The following HERC6 variants were observed in gnomAD, a reference collection of about 807,000 sequenced individuals.
The protein encoded by HERC6 is probable E3 ubiquitin-protein ligase HERC6.
A neutral mutation model predicts 114.5 loss-of-function variants in HERC6; 101 were observed. That is an observed-to-expected ratio of 0.88 (90% CI 0.75 to 1.04). HERC6 has a LOEUF of 1.04. Among genes scored for constraint, HERC6 ranks in the 50% least tolerant of loss-of-function variants. The pLI is 0.00. For missense variants in HERC6, 1,133 were observed against 1,230.9 expected (o/e 0.92, Z 1.19); for synonymous variants, 408 against 436.2 (o/e 0.94, Z 0.81).
At chr4:88,422,028 G>A (rs2148943696) in intron 13 of HERC6, among the ~76,000 whole-genome samples, 1 of 152,210 alleles carries the variant, frequency 6.6e-6, no homozygotes, top group South Asian at 2.1e-4. Flanking sequence ...TATACGATTT[G>A]CTAGTATTTT....
chr4:88,431,764 GAC>G (rs1304897960), intron 17 of HERC6, among the ~76,000 whole-genome samples: 1 of 152,166 alleles, frequency 6.6e-6, no homozygotes, highest in African/African-American at 2.4e-5. Flanking sequence ...TTTTAGTAGA[GAC>G]GGCATTTTGC....
chr4:88,408,900 G>A (rs959076738), intron 11 of HERC6, among the ~76,000 whole-genome samples: 2 of 152,136 alleles, frequency 1.3e-5, no homozygotes, highest in African/African-American at 2.4e-5. Context: ...AGTTTGGTGG[G>A]CAGGGGGCTA....
chr4:88,398,170 T>A lies in HERC6; in HGVS notation c.1053T>A (p.Ile351=), dbSNP rs1450037236. The change falls in exon 8 of 23, where the codon ATT becomes ATA. Residue 351 remains isoleucine, a synonymous_variant. Transcript: ENST00000264346. Reference sequence around the variant, plus strand: ...TCGTGGATGTTCAAGTCAAACACATTTTTGCTGGAACATATGCCAACTTTG... The same window carrying A: ...TCGTGGATGTTCAAGTCAAACACATATTTGCTGGAACATATGCCAACTTTG... ...EDFVDVQVKH[I]FAGTYANFVT... 1 of 1,599,036 alleles carries A rather than the reference T, an allele frequency of 6.3e-7. No homozygotes were observed. The highest frequency in any genetic ancestry group is 1.7e-5 in the Admixed American group (1 of 57,608).
Position 88,416,015 on chromosome 4 carries a change from G to A in HERC6, c.1559-1410G>A, listed in dbSNP as rs1361022024. On this transcript the variant is annotated intron_variant, in intron 12 of 22. Transcript: ENST00000264346. ...GATGAAGAAACTGCATTCCTGCACT[G>A]AGTCAGTTCCTTGGTGAGGGTCTTC... Among the ~76,000 whole-genome samples, 6 of 152,254 alleles carry A rather than the reference G, an allele frequency of 3.9e-5. No homozygotes were observed. In the East Asian group the frequency reaches 1.2e-3, roughly 29 times the overall value.
chr4:88,389,708 C>A (rs1192403634), intron 3 of HERC6, among the ~76,000 whole-genome samples: 1 of 77,088 alleles, frequency 1.3e-5, no homozygotes, highest in African/African-American at 5.5e-5. Flanking sequence ...ACTTTAATCT[C>A]ATTTTTTTCT....
chr4:88,408,901 C>G (rs990569633), intron 11 of HERC6, among the ~76,000 whole-genome samples: 2 of 151,910 alleles, frequency 1.3e-5, no homozygotes, highest in African/African-American at 2.4e-5. Context: ...GTTTGGTGGG[C>G]AGGGGGCTAG....
chr4:88,383,500 T>G (rs1734422921), intron 2 of HERC6, 120 bp downstream of exon 2: 2 of 746,474 alleles, frequency 2.7e-6, no homozygotes, highest in South Asian at 6.7e-5. Flanking sequence ...GGTTCATGTC[T>G]GTAATCCCAA....
intron 22 of HERC6, among the ~76,000 whole-genome samples, chr4:88,441,916 C>T: frequency 6.6e-6 from 1 of 152,184 alleles, no homozygotes; most frequent in East Asian, 1.9e-4. Context: ...TGTGAAGTCT[C>T]TCTGACCACT....
At chr4:88,409,414 T>C (rs779680353) in intron 11 of HERC6, among the ~76,000 whole-genome samples, 3 of 152,182 alleles carry the variant, frequency 2.0e-5, no homozygotes, top group Non-Finnish European at 2.9e-5. Flanking sequence ...GGTTTTATGA[T>C]TGGGGCCGAA....
In HERC6 at chr4:88,428,668, G is replaced by C. The variant is rs1578419844; in HGVS notation, c.2024G>C (p.Arg675Thr). The part of the protein sequence containing the change: ...EFPPSPRFIL[R>T]VRRSRLVKDA... ...CCTCCATCACCCAGATTTATACTTA[G>C]AGTCAGACGAAGTCGCCTGGTTAAA... Residue 675 changes from arginine (R) to threonine (T), a missense_variant, in exon 16 of 23, where the codon AGA (arginine) becomes ACA (threonine). Around this residue, in one of 3 missense-constraint regions of HERC6, gnomAD observed 388 missense variants for 445.9 expected, o/e 0.87. Coordinates refer to ENST00000264346, the MANE Select transcript of HERC6 (RefSeq NM_017912.4). 5.0e-6 allele frequency: 8 copies of C among 1,605,942 alleles called. No homozygotes were observed. The highest frequency in any genetic ancestry group is 6.8e-6 in the Non-Finnish European group (8 of 1,176,324).
At chr4:88,435,499 C>T (rs1738641785) in intron 17 of HERC6, among the ~76,000 whole-genome samples, 1 of 152,006 alleles carries the variant, frequency 6.6e-6, no homozygotes, top group South Asian at 2.1e-4. Context: ...AAAATGAATT[C>T]ATTTATTTAA....
At chr4:88,408,728 T>G (rs952561621) in intron 11 of HERC6, 111 bp downstream of exon 11, 2 of 741,940 alleles carry the variant, frequency 2.7e-6, no homozygotes, top group Non-Finnish European at 2.3e-6. Context: ...GAGTTCTTCC[T>G]GCCCACTGCA....
rs368448597 is a variant in HERC6, at chr4:88,424,657, A to T, written c.1890A>T (p.Leu630=). The T allele has an allele frequency of 1.1e-5, 17 of 1,612,126 alleles. No homozygotes were observed. Among genetic ancestry groups the T allele is most frequent in the Non-Finnish European group, 1.2e-5 (14 of 1,178,882 alleles). Residue 630 remains leucine (L), a synonymous_variant, in exon 15 of 23, where the codon CTA becomes CTT. Coordinates refer to ENST00000264346, the MANE Select transcript of HERC6 (RefSeq NM_017912.4). ...ATTTTCCATTTATCTTTAATTCGCT[A>T]TCCAAAATTAAATTATTGCAAGCTG... ...FSDFPFIFNS[L]SKIKLLQADS... is the part of the protein sequence containing the mutation.
intron 2 of HERC6, among the ~76,000 whole-genome samples, chr4:88,384,795 G>A (rs1031595312): frequency 1.3e-5 from 2 of 152,048 alleles, no homozygotes; most frequent in Non-Finnish European, 2.9e-5. Flanking sequence ...CAAGGTGGGC[G>A]GATCACCTGA....
chr4:88,434,762 A>T (rs1738566651), intron 17 of HERC6, among the ~76,000 whole-genome samples: 1 of 143,598 alleles, frequency 7.0e-6, no homozygotes. Flanking sequence ...TAAAAAACAG[A>T]GACAAAAAAA....
intron 17 of HERC6, among the ~76,000 whole-genome samples, chr4:88,433,773 A>T (rs949016311): frequency 6.6e-6 from 1 of 152,208 alleles, no homozygotes; most frequent in East Asian, 1.9e-4. Context: ...GAACTAAGGC[A>T]TATTTATTAG....
intron 12 of HERC6, among the ~76,000 whole-genome samples, chr4:88,414,624 G>A (rs1736324030): frequency 1.3e-5 from 2 of 152,170 alleles, no homozygotes; most frequent in Non-Finnish European, 1.5e-5. Flanking sequence ...TGAAGAAGGG[G>A]TGGGTTATTC....
intron 1 of HERC6, 99 bp from the exon 2 acceptor site, chr4:88,383,122 G>T: frequency 6.9e-7 from 1 of 1,454,466 alleles, no homozygotes; most frequent in East Asian, 2.5e-5. Flanking sequence ...CAAGAAATCT[G>T]GATGATCCTT....
At chr4:88,379,893 A>AACATATAAAT (rs1734106884) in intron 1 of HERC6, among the ~76,000 whole-genome samples, 3 of 39,178 alleles carry the variant, frequency 7.7e-5, no homozygotes, top group Non-Finnish European at 1.2e-4. Context: ...ATATATATAT[A>AACATATAAAT]ATATATAAAT....
Sources: allele counts gnomAD v4.1 joint callset (sites outside exome capture counted in the v4.1 genomes callset), GRCh38; gene constraint gnomAD v4.1.1; regional missense constraint gnomAD v4.1.1; transcripts MANE v1.5; gene names NCBI Gene and HGNC (gene_info 2026-07-23, HGNC 2026-07-21).